TEKT3: variants seen among roughly 807,000 people sequenced by gnomAD.
TEKT3 encodes the protein tektin-3.
TEKT3 carries 49 observed loss-of-function variants against 49.8 expected under a neutral mutation model. The observed-to-expected ratio is 0.98, with a 90% CI of 0.78 to 1.25. The LOEUF (loss-of-function observed/expected upper bound fraction) is 1.25, where lower values mean the gene tolerates loss of function less well. TEKT3 is among the 50% of genes most tolerant of loss of function. The pLI is 0.00. For synonymous variants in TEKT3, 225 were observed against 237.2 expected (o/e 0.95, Z 0.47); for missense variants, 595 against 629.5 (o/e 0.95, Z 0.59).
rs899295723 is a variant in TEKT3, at chr17:15,331,190, A to T, written c.396T>A (p.Tyr132Ter). The T allele has an allele frequency of 2.8e-5, 45 of 1,614,006 alleles. No individual in the cohort carries two copies. The highest frequency in any genetic ancestry group is 3.6e-5 in the Non-Finnish European group (42 of 1,180,020). ...CTGCCTGAGTTTTTCTTGTTTGTTG[A>T]TATTTGTCTTGAATCAGGCGAGATG... ...VDTSRLIQDK[Y>*]QQTRKTQADT... Residue 132 changes from tyrosine to a stop codon, truncating the protein, a stop_gained, in exon 3 of 9, where the codon TAT becomes TAA. Coordinates refer to ENST00000395930, the MANE Select transcript of TEKT3 (RefSeq NM_031898.3). LOFTEE classifies it high-confidence loss of function.
At chr17:15,327,337 G>A (rs986248640) in intron 4 of TEKT3, among the ~76,000 whole-genome samples, 1 of 151,888 alleles carries the variant, frequency 6.6e-6, no homozygotes. Context: ...CCAACATGGC[G>A]AAATCCCATC....
At chr17:15,327,892 C>T (rs1424399270) in intron 4 of TEKT3, 100 bp downstream of exon 4, 3 of 1,023,546 alleles carry the variant, frequency 2.9e-6, no homozygotes, top group East Asian at 2.4e-5. Context: ...TAATGCTTTA[C>T]TTATAAGTCA....
chr17:15,334,663 G>GCATAAAT (rs1018130054), intron 2 of TEKT3, among the ~76,000 whole-genome samples: 4 of 152,202 alleles, frequency 2.6e-5, no homozygotes, highest in African/African-American at 9.6e-5. Flanking sequence ...AAAGCATAAA[G>GCATAAAT]CATAGTGGTT....
chr17:15,337,298 A>C (rs1362515760), intron 2 of TEKT3, among the ~76,000 whole-genome samples: 4 of 152,244 alleles, frequency 2.6e-5, no homozygotes, highest in African/African-American at 9.6e-5. Context: ...TAAGACTAAA[A>C]AACAAGAGTT....
rs761794041 is a variant in TEKT3, at chr17:15,331,425, G to A, written c.161C>T (p.Thr54Ile). ...HSLSLPWRPS[T>I]YYKVASNSPS... ...GGAATTGGAGGCGACTTTGTAGTAT[G>A]TGCTGGGTCTCCAAGGAAGGCTCAG... Residue 54 changes from threonine (T) to isoleucine (I), a missense_variant, in exon 3 of 9, where the codon ACA becomes ATA. Transcript: ENST00000395930. The A allele has an allele frequency of 1.2e-6, 2 of 1,614,134 alleles. No individual in the cohort carries two copies. The highest frequency in any genetic ancestry group is 1.1e-5 in the South Asian group (1 of 91,078).
At position 15,304,709 on chromosome 17, in the gene TEKT3, A is replaced by G; in HGVS notation, c.1257-557T>C. Among the ~76,000 whole-genome samples, 1 of 152,222 alleles carries G rather than the reference A, an allele frequency of 6.6e-6. No individual in the cohort carries two copies. The highest frequency in any genetic ancestry group is 1.9e-4 in the East Asian group (1 of 5,196). On this transcript the variant is annotated intron_variant, in intron 8 of 8. Coordinates refer to ENST00000395930, the MANE Select transcript of TEKT3 (RefSeq NM_031898.3). The surrounding 1 kb of genome is among the most constrained non-coding windows in gnomAD (Gnocchi z 4.7). ...GACAGAAGAGTAGAAGCAGAGACCCAGGAAGACCTATCTCATCATCTGCAG... is the reference window on the plus strand; with the variant it reads ...GACAGAAGAGTAGAAGCAGAGACCCGGGAAGACCTATCTCATCATCTGCAG...
rs754602144 is a variant in TEKT3 at position 15,311,966 on chromosome 17, G to A, written c.1101+293C>T. Among the ~76,000 whole-genome samples, 34 of 152,080 alleles carry A rather than the reference G, an allele frequency of 2.2e-4. 1 individual carries two copies. The highest frequency in any genetic ancestry group is 2.2e-4 in the African/African-American group (9 of 41,396). On this transcript the variant is annotated intron_variant, in intron 7 of 8. Coordinates refer to ENST00000395930, the MANE Select transcript of TEKT3 (RefSeq NM_031898.3). ...AATTCACTTCCTAGTTATATACAGC[G>A]ATCCATTAAACTTTAATAATAATAT...
chr17:15,321,790 G>A (rs966751733), intron 4 of TEKT3, among the ~76,000 whole-genome samples: 2 of 152,196 alleles, frequency 1.3e-5, no homozygotes, highest in South Asian at 4.1e-4. Context: ...TTCATCTGTG[G>A]GGCTTTGGAT....
At chr17:15,323,551 G>T (rs1262357991) in intron 4 of TEKT3, among the ~76,000 whole-genome samples, 2 of 152,238 alleles carry the variant, frequency 1.3e-5, no homozygotes, top group East Asian at 3.8e-4. Context: ...GAACGTAATA[G>T]TCAACAGAAT....
chr17:15,306,135 A>G (rs1185747703), intron 8 of TEKT3, among the ~76,000 whole-genome samples: 2 of 147,034 alleles, frequency 1.4e-5, no homozygotes, highest in Middle Eastern at 3.6e-3. Context: ...GTGTGCATAT[A>G]TATATACATA....
chr17:15,308,230 A>G (rs993961028), intron 8 of TEKT3, among the ~76,000 whole-genome samples: 6 of 152,190 alleles, frequency 3.9e-5, no homozygotes, highest in African/African-American at 1.4e-4. Flanking sequence ...ACTGCTGCTT[A>G]TAAGACAGGA....
intron 2 of TEKT3, among the ~76,000 whole-genome samples, chr17:15,332,093 C>T (rs1321651527): frequency 6.7e-6 from 1 of 148,458 alleles, no homozygotes; most frequent in Non-Finnish European, 1.5e-5. Context: ...GCAGGAGAAT[C>T]GCTTGAACCT....
chr17:15,320,693 A>G (rs1361109290), intron 4 of TEKT3, among the ~76,000 whole-genome samples: 1 of 152,178 alleles, frequency 6.6e-6, no homozygotes, highest in Non-Finnish European at 1.5e-5. Context: ...CCCTTCACAC[A>G]TTGACACCAA....
chr17:15,333,187 ATGTCATTC>A (rs1911842570), intron 2 of TEKT3, among the ~76,000 whole-genome samples: 1 of 152,154 alleles, frequency 6.6e-6, no homozygotes. Flanking sequence ...TAGCATTTAA[ATGTCATTC>A]TGTTTTGGGG....
Position 15,329,575 on chromosome 17 carries a change from T to C in TEKT3, c.579+1432A>G, listed in dbSNP as rs115371917. On this transcript the variant is annotated intron_variant, in intron 3 of 8. Transcript: ENST00000395930. ...TGCTCAGGGAAGGCGTAGAAGCCCT[T>C]CTGATTCTAAACAAAAATTTATGAT... Among the ~76,000 whole-genome samples the C allele has an allele frequency of 1.9e-3, 292 of 152,358 alleles. 1 individual carries two copies. Among genetic ancestry groups the C allele is most frequent in the African/African-American group, 6.6e-3 (273 of 41,586 alleles).
At chr17:15,337,861 T>G (rs1274224991) in intron 2 of TEKT3, among the ~76,000 whole-genome samples, 1 of 151,680 alleles carries the variant, frequency 6.6e-6, no homozygotes, top group East Asian at 1.9e-4. Flanking sequence ...AAAAAAGAAA[T>G]AAATAAAAGT....
At chr17:15,313,427 G>A (rs1910853100) in intron 6 of TEKT3, among the ~76,000 whole-genome samples, 1 of 152,194 alleles carries the variant, frequency 6.6e-6, no homozygotes. Context: ...TGGTAGGAAA[G>A]GCATCAAGCT....
chr17:15,315,406 C>A (rs1432057835), intron 5 of TEKT3, among the ~76,000 whole-genome samples: 1 of 152,070 alleles, frequency 6.6e-6, no homozygotes, highest in Non-Finnish European at 1.5e-5. Flanking sequence ...TGGTGCTGGG[C>A]TGAGAACAGA....
At chr17:15,312,810 C>A (rs1221057549) in intron 6 of TEKT3, among the ~76,000 whole-genome samples, 1 of 152,142 alleles carries the variant, frequency 6.6e-6, no homozygotes, top group Non-Finnish European at 1.5e-5. Flanking sequence ...AAATACTCAG[C>A]CTCAAGGGTA....
Sources: gnomAD v4.1 joint callset for allele counts (sites outside exome capture counted in the v4.1 genomes callset) on GRCh38, gnomAD v4.1.1 for gene constraint, Gnocchi (gnomAD v3.1) non-coding constraint, MANE v1.5 for transcripts, NCBI Gene and HGNC (gene_info 2026-07-23, HGNC 2026-07-21) for gene names.